SYTL3: variants seen among roughly 807,000 people sequenced by gnomAD.
SYTL3 encodes synaptotagmin-like protein 3.
In SYTL3, 88 loss-of-function variants were observed where a neutral mutation model predicts 82.1. The observed-to-expected ratio is 1.07, with a 90% CI of 0.90 to 1.28. The LOEUF is 1.28. Among genes scored for constraint, SYTL3 ranks in the 50% most tolerant of loss-of-function variants. The pLI, the probability that SYTL3 is intolerant of heterozygous loss-of-function variation, is 0.00. For missense variants in SYTL3, 831 were observed against 757.6 expected (o/e 1.10, Z -1.14); for synonymous variants, 311 against 289.4 (o/e 1.07, Z -0.76).
intron 6 of SYTL3, among the ~76,000 whole-genome samples, chr6:158,702,383 A>AC (rs202133763): frequency 0.023 from 3,460 of 150,162 alleles, 104 homozygotes; most frequent in South Asian, 0.089. Flanking sequence ...TCACTAAGTT[A>AC]CCCAGGCTGG....
chr6:158,702,637 A>G (rs1282629711), intron 6 of SYTL3, among the ~76,000 whole-genome samples: 2 of 152,018 alleles, frequency 1.3e-5, no homozygotes, highest in South Asian at 2.1e-4. Flanking sequence ...TATTAGGAAA[A>G]TGTTCGAATA....
chr6:158,713,815 C>A lies in SYTL3; in HGVS notation c.532C>A (p.Gln178Lys). 1 of 1,549,336 alleles carries A rather than the reference C, an allele frequency of 6.5e-7. No individual in the cohort carries two copies. Among genetic ancestry groups the A allele is most frequent in the South Asian group, 1.2e-5 (1 of 83,996 alleles). Residue 178 changes from glutamine to lysine, a missense_variant, in exon 9 of 18, where the codon CAG becomes AAG. Transcript: ENST00000611299. ...TCTGTTTTAGTTACAGGAATTTGGT[C>A]AGTTTAGAGGATTTAATAAGTCCGT... The part of the protein sequence containing the change: ...RSPGRLQEFG[Q>K]FRGFNKSVEN...
At chr6:158,740,355 A>G (rs530444618) in intron 11 of SYTL3, among the ~76,000 whole-genome samples, 6 of 152,098 alleles carry the variant, frequency 3.9e-5, no homozygotes, top group African/African-American at 9.6e-5. Context: ...AGAAATTTCT[A>G]TTTGATTCTT....
At chr6:158,698,215 G>A (rs1310533803) in intron 6 of SYTL3, among the ~76,000 whole-genome samples, 1 of 152,066 alleles carries the variant, frequency 6.6e-6, no homozygotes, top group Non-Finnish European at 1.5e-5. Context: ...TGGCCAACAT[G>A]GTAAAATCCC....
At chr6:158,753,374 G>A (rs1434133778) in intron 13 of SYTL3, among the ~76,000 whole-genome samples, 1 of 151,542 alleles carries the variant, frequency 6.6e-6, no homozygotes, top group African/African-American at 2.4e-5. Flanking sequence ...GAGCCACCAC[G>A]CCAGGCCTAA....
intron 5 of SYTL3, among the ~76,000 whole-genome samples, chr6:158,680,942 G>A (rs949520912): frequency 2.0e-5 from 3 of 152,074 alleles, no homozygotes; most frequent in Non-Finnish European, 2.9e-5. Context: ...TTTGAAAAAC[G>A]TGCAGATTGG....
At chr6:158,650,534 AAGTT>A (rs1787867654) in intron 1 of SYTL3, among the ~76,000 whole-genome samples, 1 of 152,216 alleles carries the variant, frequency 6.6e-6, no homozygotes, top group Admixed American at 6.5e-5. Flanking sequence ...AATTATAAAA[AAGTT>A]AGCTAGGGTC....
At chr6:158,728,857 A>AC (rs1343366778) in intron 11 of SYTL3, among the ~76,000 whole-genome samples, 22 of 152,312 alleles carry the variant, frequency 1.4e-4, no homozygotes, top group Admixed American at 1.2e-3. Flanking sequence ...CCTCGTCTCT[A>AC]TTAAAAAAAT....
At chr6:158,682,830 A>G (rs1213630174) in intron 5 of SYTL3, 95 bp from the exon 6 acceptor site, 3 of 863,522 alleles carry the variant, frequency 3.5e-6, no homozygotes, top group South Asian at 3.0e-5. Context: ...TTGCAAGACT[A>G]ATATTTTGTG....
chr6:158,705,735 C>G (rs945938413), intron 6 of SYTL3, among the ~76,000 whole-genome samples: 1 of 150,118 alleles, frequency 6.7e-6, no homozygotes, highest in Admixed American at 6.6e-5. Context: ...TAGGTGAGGG[C>G]TGTAAGGCCA....
intron 6 of SYTL3, among the ~76,000 whole-genome samples, chr6:158,697,469 C>T (rs534504800): frequency 1.1e-4 from 17 of 151,886 alleles, no homozygotes; most frequent in South Asian, 2.1e-4. Flanking sequence ...GAAAGATTCA[C>T]GACATTGGAT....
At chr6:158,646,123 C>CATTT (rs900444613), upstream of SYTL3, among the ~76,000 whole-genome samples, 21 of 152,124 alleles carry the variant, frequency 1.4e-4, no homozygotes, top group South Asian at 1.2e-3. Flanking sequence ...ACACAATTAA[C>CATTT]ATTTATTTAT....
chr6:158,667,649 C>T (rs899809304), intron 5 of SYTL3, among the ~76,000 whole-genome samples: 3 of 152,192 alleles, frequency 2.0e-5, no homozygotes, highest in African/African-American at 7.2e-5. Context: ...CTTCTTCCTT[C>T]GCTTCAGGCT....
chr6:158,751,953 G>T lies in SYTL3; in HGVS notation c.1060G>T (p.Asp354Tyr), dbSNP rs757620332. ...GTATGTGAAGACCTACCTGTTGCCC[G>T]ACAGATCCTCCCAGGGAAAGCGCAA... is the stretch of plus-strand genomic sequence containing the variant. The part of the protein sequence containing the change: ...NPYVKTYLLP[D>Y]RSSQGKRKTG... The change falls in exon 13 of 18, where the codon GAC (aspartate) becomes TAC (tyrosine). Residue 354 changes from aspartate to tyrosine, a missense_variant. Asp to Tyr is a radical substitution (Grantham distance 160). Coordinates refer to ENST00000611299, the MANE Select transcript of SYTL3 (RefSeq NM_001242394.2). The T allele has an allele frequency of 2.5e-6, 4 of 1,599,504 alleles. No individual in the cohort carries two copies. The African/African-American group carries it at 4.1e-5, about 16-fold the overall frequency.
upstream of SYTL3, among the ~76,000 whole-genome samples, chr6:158,647,215 G>A (rs925062843): frequency 6.6e-6 from 1 of 152,168 alleles, no homozygotes. Flanking sequence ...CAGAAAACAT[G>A]CAAATGTGCA....
At chr6:158,679,799 G>A (rs1583209642) in intron 5 of SYTL3, among the ~76,000 whole-genome samples, 1 of 152,186 alleles carries the variant, frequency 6.6e-6, no homozygotes, top group East Asian at 1.9e-4. Flanking sequence ...GATTTGCAAT[G>A]TTCATTCACT....
At chr6:158,757,174 G>A (rs574242148) in intron 13 of SYTL3, 37 bp from the exon 14 acceptor site, 23 of 1,588,492 alleles carry the variant, frequency 1.4e-5, no homozygotes, top group Admixed American at 1.0e-4. Flanking sequence ...TGCGGGCCCC[G>A]GGAGCCCAGC....
intron 15 of SYTL3, among the ~76,000 whole-genome samples, chr6:158,761,369 C>T (rs1430414441): frequency 2.7e-5 from 4 of 147,436 alleles, no homozygotes; most frequent in Non-Finnish European, 5.9e-5. Flanking sequence ...GTGGCCCGAT[C>T]TTGGCTCACT....
intron 11 of SYTL3, among the ~76,000 whole-genome samples, chr6:158,740,287 T>C (rs1786767692): frequency 6.6e-6 from 1 of 152,138 alleles, no homozygotes; most frequent in African/African-American, 2.4e-5. Context: ...TGAGCCACCA[T>C]GCCCAGCCAA....
Sources: allele counts gnomAD v4.1 joint callset (sites outside exome capture counted in the v4.1 genomes callset), GRCh38; gene constraint gnomAD v4.1.1; transcripts MANE v1.5; gene names NCBI Gene and HGNC (gene_info 2026-07-23, HGNC 2026-07-21).